NTNG1: variants seen among roughly 807,000 people sequenced by gnomAD.
NTNG1 encodes netrin-G1.
A neutral mutation model predicts 54.0 loss-of-function variants in NTNG1; 16 were observed. The ratio of observed to expected loss-of-function variants is 0.30; its 90% CI spans 0.20 to 0.45. NTNG1 has a LOEUF of 0.45. Among genes scored for constraint, NTNG1 ranks in the 20% least tolerant of loss-of-function variants. The pLI, the probability that NTNG1 is intolerant of heterozygous loss-of-function variation, is 1.00. For synonymous variants in NTNG1, 255 were observed against 263.1 expected, an observed-to-expected ratio of 0.97 and a Z score of 0.30; for missense variants, 530 against 678.7, an observed-to-expected ratio of 0.78 and a Z score of 2.43.
At chr1:107,236,790 G>C (rs1661440245) in intron 2 of NTNG1, among the ~76,000 whole-genome samples, 1 of 152,090 alleles carries the variant, frequency 6.6e-6, no homozygotes, top group African/African-American at 2.4e-5. Context: ...ATCCCCGTAA[G>C]ATGTGACTTG....
chr1:107,277,081 G>GTTACA (rs10653167), intron 2 of NTNG1, among the ~76,000 whole-genome samples: 29,729 of 151,924 alleles, frequency 0.2, 4,649 homozygotes, highest in African/African-American at 0.44. Context: ...ATGAAAAAGT[G>GTTACA]TTACACTGTG....
At chr1:107,464,406 G>A (rs1242682672) in intron 7 of NTNG1, among the ~76,000 whole-genome samples, 1 of 152,140 alleles carries the variant, frequency 6.6e-6, no homozygotes, top group African/African-American at 2.4e-5. Context: ...GATTTGCCTA[G>A]TTGGGGCCCC....
chr1:107,480,590 A>AACAAAACCC (rs2101618226), intron 7 of NTNG1, 21 bp from the exon 8 acceptor site: 4 of 352,580 alleles, frequency 1.1e-5, no homozygotes, highest in Non-Finnish European at 1.4e-5. Context: ...ACCCACCCCT[A>AACAAAACCC]CCTTCCCCCT....
chr1:107,465,239 GA>G (rs920823451), intron 7 of NTNG1, among the ~76,000 whole-genome samples: 8 of 151,818 alleles, frequency 5.3e-5, no homozygotes, highest in Admixed American at 3.9e-4. Context: ...TTAGGTGCCA[GA>G]AAAAAAATGG....
intron 2 of NTNG1, among the ~76,000 whole-genome samples, chr1:107,216,504 A>G (rs1432638283): frequency 6.6e-6 from 1 of 152,146 alleles, no homozygotes; most frequent in African/African-American, 2.4e-5. Flanking sequence ...GACCCACTTG[A>G]TCATGATGGA....
intron 2 of NTNG1, among the ~76,000 whole-genome samples, chr1:107,215,982 G>T (rs1659929973): frequency 6.6e-6 from 1 of 152,082 alleles, no homozygotes. Flanking sequence ...CTACTGATTT[G>T]TGTACGTTAA....
At chr1:107,223,632 G>A (rs1660493432) in intron 2 of NTNG1, among the ~76,000 whole-genome samples, 1 of 151,956 alleles carries the variant, frequency 6.6e-6, no homozygotes, top group African/African-American at 2.4e-5. Flanking sequence ...TTTCATCAAT[G>A]GTATTTATTA....
At chr1:107,344,511 T>C (rs376351279) in intron 3 of NTNG1, among the ~76,000 whole-genome samples, 3 of 152,194 alleles carry the variant, frequency 2.0e-5, no homozygotes, top group East Asian at 3.9e-4. Context: ...GCCTCCCCAG[T>C]ATACTTGCTG....
At chr1:107,392,220 G>A (rs867946175) in intron 3 of NTNG1, among the ~76,000 whole-genome samples, 8 of 152,130 alleles carry the variant, frequency 5.3e-5, no homozygotes, top group Admixed American at 1.3e-4. Context: ...GTAATGGAGG[G>A]AGGGGGCTCT....
chr1:107,338,516 G>T (rs1195980701), intron 3 of NTNG1, among the ~76,000 whole-genome samples: 1 of 151,866 alleles, frequency 6.6e-6, no homozygotes, highest in Admixed American at 6.6e-5. Context: ...GTAGTAACTG[G>T]ATCTACATGA....
chr1:107,436,843 T>C lies in NTNG1; in HGVS notation c.1390+44T>C, dbSNP rs774365688. ...TGCCCTCTGCCTGCTGCAGCATGGC[T>C]GATTTCTGCTTGGCTAGGCCGGTGC... On this transcript the variant is annotated intron_variant, in intron 7 of 7. Coordinates refer to ENST00000370068, the MANE Select transcript of NTNG1 (RefSeq NM_001113226.3). 3.1e-6 allele frequency: 5 copies of C among 1,595,540 alleles called. No homozygotes were observed. The Admixed American group carries it at 8.4e-5, about 27-fold the overall frequency.
chr1:107,480,320 T>C (rs1442890694), intron 7 of NTNG1, among the ~76,000 whole-genome samples: 2 of 152,196 alleles, frequency 1.3e-5, no homozygotes. Flanking sequence ...ACTGCCAAAC[T>C]AGGACTATTG....
chr1:107,261,867 AC>A (rs1186767294), intron 2 of NTNG1, among the ~76,000 whole-genome samples: 2 of 152,202 alleles, frequency 1.3e-5, no homozygotes, highest in Non-Finnish European at 2.9e-5. Context: ...AACAAAAAAA[AC>A]GATAACAACT....
chr1:107,206,455 G>T (rs1659199133), intron 2 of NTNG1, among the ~76,000 whole-genome samples: 2 of 151,952 alleles, frequency 1.3e-5, no homozygotes, highest in Non-Finnish European at 2.9e-5. Context: ...TGGACTTTTA[G>T]TCAAGTCTAT....
intron 2 of NTNG1, among the ~76,000 whole-genome samples, chr1:107,248,372 A>G (rs1045638067): frequency 2.6e-5 from 4 of 152,178 alleles, no homozygotes; most frequent in Non-Finnish European, 4.4e-5. Context: ...GTCTTCTCCA[A>G]TTTCTAGAGG....
At chr1:107,384,351 C>T (rs1486775728) in intron 3 of NTNG1, among the ~76,000 whole-genome samples, 2 of 151,966 alleles carry the variant, frequency 1.3e-5, no homozygotes, top group Non-Finnish European at 2.9e-5. Context: ...TTTTAAATGC[C>T]AAGATGTCTA....
rs75010959 is a variant in NTNG1 at position 107,311,682 on chromosome 1, C to T, written c.247-12600C>T. Among the ~76,000 whole-genome samples, 873 of 152,244 alleles carry T rather than the reference C, an allele frequency of 5.7e-3. 8 individuals carry two copies. Among genetic ancestry groups the T allele is most frequent in the African/African-American group, 0.02 (822 of 41,546 alleles). On this transcript the variant is annotated intron_variant, in intron 2 of 7. Coordinates refer to ENST00000370068, the MANE Select transcript of NTNG1 (RefSeq NM_001113226.3). The stretch of plus-strand genomic sequence containing the variant: ...CACTTCCAAACCTACCTAATTTATC[C>T]TATCTTCTTCCTGGCTTTTTGTCTT...
intron 2 of NTNG1, among the ~76,000 whole-genome samples, chr1:107,171,670 C>T (rs754606033): frequency 2.0e-5 from 3 of 152,108 alleles, no homozygotes; most frequent in Non-Finnish European, 4.4e-5. Context: ...CACTGCACAC[C>T]GGCTGCATTT....
intron 2 of NTNG1, among the ~76,000 whole-genome samples, chr1:107,231,648 A>G (rs146488140): frequency 2.2e-3 from 329 of 152,276 alleles, no homozygotes; most frequent in African/African-American, 6.7e-3. Flanking sequence ...AGAAGGGAAG[A>G]TAACCAAACA....
Sources: allele counts gnomAD v4.1 joint callset (sites outside exome capture counted in the v4.1 genomes callset), GRCh38; gene constraint gnomAD v4.1.1; transcripts MANE v1.5; gene names NCBI Gene and HGNC (gene_info 2026-07-23, HGNC 2026-07-21).